RRAGD: variants seen among roughly 807,000 people sequenced by gnomAD.
The protein encoded by RRAGD is ras-related GTP-binding protein D.
In RRAGD, 12 loss-of-function variants were observed where a neutral mutation model predicts 35.5. The ratio of observed to expected loss-of-function variants is 0.34; its 90% CI spans 0.22 to 0.55. The LOEUF is 0.55. RRAGD is among the 20% of genes least tolerant of loss of function. The pLI, the probability that RRAGD is intolerant of heterozygous loss-of-function variation, is 0.91. For synonymous variants in RRAGD, 155 were observed against 178.9 expected (o/e 0.87, Z 1.07); for missense variants, 324 against 490.1 (o/e 0.66, Z 3.20).
chr6:89,372,400 C>T (rs1768869216), intron 6 of RRAGD, 37 bp downstream of exon 6: 1 of 1,573,018 alleles, frequency 6.4e-7, no homozygotes, highest in Non-Finnish European at 8.6e-7. Flanking sequence ...TCTGATGCTT[C>T]TTTTAATGCT....
intron 6 of RRAGD, among the ~76,000 whole-genome samples, chr6:89,370,377 G>A (rs891132542): frequency 1.3e-5 from 2 of 152,186 alleles, no homozygotes; most frequent in South Asian, 2.1e-4. Context: ...GCAAGAAAAT[G>A]TAAATTCACA....
At position 89,390,339 on chromosome 6, in the gene RRAGD, TA is replaced by T. The variant is rs1769208885; in HGVS notation, c.149-2750del. On this transcript the variant is annotated intron_variant, in intron 1 of 6. Transcript: ENST00000369415. ...AATTCAACAATAAATGACAACCCAA[TA>T]AAAAATGAGCAAAGGATGCGAATAG... 2.0e-5 allele frequency among the ~76,000 whole-genome samples: 3 copies of T among 151,952 alleles called. No individual in the cohort carries two copies. The South Asian group carries it at 6.2e-4, about 31-fold the overall frequency.
chr6:89,389,138 T>A (rs949567472), intron 1 of RRAGD, among the ~76,000 whole-genome samples: 1 of 152,146 alleles, frequency 6.6e-6, no homozygotes, highest in Non-Finnish European at 1.5e-5. Flanking sequence ...ATCCCTGACA[T>A]AGAACATTCT....
chr6:89,397,968 G>A (rs1474763343), intron 1 of RRAGD, among the ~76,000 whole-genome samples: 4 of 152,118 alleles, frequency 2.6e-5, no homozygotes, highest in South Asian at 2.1e-4. Context: ...CCAACATGGC[G>A]AAACCCTGTC....
chr6:89,383,905 C>T (rs987146453), intron 2 of RRAGD, among the ~76,000 whole-genome samples: 4 of 151,738 alleles, frequency 2.6e-5, no homozygotes, highest in Non-Finnish European at 4.4e-5. Flanking sequence ...GGGTGGATCA[C>T]GAGGTCAAGA....
At chr6:89,396,480 C>T (rs1769333329) in intron 1 of RRAGD, among the ~76,000 whole-genome samples, 1 of 151,252 alleles carries the variant, frequency 6.6e-6, no homozygotes, top group Non-Finnish European at 1.5e-5. Context: ...GGCTGGAGTG[C>T]AGTGGCGCAA....
rs932094481 is a variant in RRAGD, at chr6:89,366,425, G to A, written c.*1631C>T. The A allele has an allele frequency of 6.6e-6, 1 of 151,774 alleles. No homozygotes were observed. The highest frequency in any genetic ancestry group is 2.4e-5 in the African/African-American group (1 of 41,274). The allele number at this position is 151,774 out of a possible 1,614,324, so 9.4% of individuals were successfully genotyped here. ...TGCACACCTGTAGTTCTAGCTACTA[G>A]GGAGGCTGAGGTGGAAGGATCCCTT... On this transcript the variant is annotated 3_prime_UTR_variant, in exon 7 of 7. Coordinates refer to ENST00000369415, the MANE Select transcript of RRAGD (RefSeq NM_021244.5).
chr6:89,396,494 G>C (rs968174506), intron 1 of RRAGD, among the ~76,000 whole-genome samples: 1 of 151,486 alleles, frequency 6.6e-6, no homozygotes, highest in Non-Finnish European at 1.5e-5. Context: ...GGCGCAATCA[G>C]AGCTCACTGC....
intron 1 of RRAGD, among the ~76,000 whole-genome samples, chr6:89,397,894 C>A (rs963973186): frequency 6.6e-6 from 1 of 152,186 alleles, no homozygotes; most frequent in Non-Finnish European, 1.5e-5. Context: ...TACCTGTAAT[C>A]CCAGCACTGT....
At chr6:89,409,929 A>G (rs1158861240) in intron 1 of RRAGD, among the ~76,000 whole-genome samples, 2 of 152,214 alleles carry the variant, frequency 1.3e-5, no homozygotes, top group African/African-American at 2.4e-5. Flanking sequence ...AAATATATTT[A>G]ATCCTTTTAT....
intron 1 of RRAGD, among the ~76,000 whole-genome samples, chr6:89,393,635 G>T (rs1000339659): frequency 6.6e-6 from 1 of 152,176 alleles, no homozygotes; most frequent in African/African-American, 2.4e-5. Context: ...CACTATCAGA[G>T]GTGGATACAG....
chr6:89,401,909 G>A (rs992579467), intron 1 of RRAGD, among the ~76,000 whole-genome samples: 1 of 152,076 alleles, frequency 6.6e-6, no homozygotes, highest in Admixed American at 6.6e-5. Context: ...AAAATACAAG[G>A]TAGCACATGG....
chr6:89,391,919 T>G (rs1476127622), intron 1 of RRAGD, among the ~76,000 whole-genome samples: 3 of 138,510 alleles, frequency 2.2e-5, no homozygotes, highest in African/African-American at 8.4e-5. Context: ...GTCATACCAC[T>G]GCACTCTAGC....
At chr6:89,393,315 G>C (rs1562459241) in intron 1 of RRAGD, among the ~76,000 whole-genome samples, 1 of 152,224 alleles carries the variant, frequency 6.6e-6, no homozygotes, top group East Asian at 1.9e-4. Flanking sequence ...TTCTGCTGTA[G>C]AGTGTAGAAC....
chr6:89,403,264 T>C lies in RRAGD; in HGVS notation c.148+8582A>G, dbSNP rs183164511. On this transcript the variant is annotated intron_variant, in intron 1 of 6. Coordinates refer to ENST00000369415, the MANE Select transcript of RRAGD (RefSeq NM_021244.5). ...ATCGAGACCATCCTGGCTAACACGG[T>C]GAAACCCCGTGTCTACTAAAAATAC... Among the ~76,000 whole-genome samples, 421 of 152,164 alleles carry C rather than the reference T, an allele frequency of 2.8e-3. 4 individuals are homozygous for C. The highest frequency in any genetic ancestry group is 9.6e-3 in the African/African-American group (400 of 41,496).
At chr6:89,368,332 G>GATTT (rs1248715267) in intron 6 of RRAGD, 125 bp from the exon 7 acceptor site, 1 of 711,712 alleles carries the variant, frequency 1.4e-6, no homozygotes, top group Admixed American at 3.1e-5. Context: ...AAGGACCAGA[G>GATTT]ATTTCCCTGG....
intron 1 of RRAGD, among the ~76,000 whole-genome samples, chr6:89,405,115 C>T (rs1466607134): frequency 6.6e-6 from 1 of 151,918 alleles, no homozygotes; most frequent in East Asian, 1.9e-4. Flanking sequence ...CTTTGGGAGG[C>T]CAAGGTGGGC....
chr6:89,389,608 G>A (rs1293335160), intron 1 of RRAGD, among the ~76,000 whole-genome samples: 2 of 151,688 alleles, frequency 1.3e-5, no homozygotes, highest in Admixed American at 1.3e-4. Flanking sequence ...AACCCTGTAG[G>A]GCTCTCTCTT....
At chr6:89,408,387 T>C (rs1176438300) in intron 1 of RRAGD, among the ~76,000 whole-genome samples, 2 of 152,144 alleles carry the variant, frequency 1.3e-5, no homozygotes, top group East Asian at 1.9e-4. Flanking sequence ...TGCACAGTCA[T>C]GCATGCCTAT....
Sources: gnomAD v4.1 joint callset for allele counts (sites outside exome capture counted in the v4.1 genomes callset) on GRCh38, gnomAD v4.1.1 for gene constraint, MANE v1.5 for transcripts, NCBI Gene and HGNC (gene_info 2026-07-23, HGNC 2026-07-21) for gene names.